The following SH3BP1 variants were observed in gnomAD, a reference collection of about 807,000 sequenced individuals.
SH3BP1 encodes SH3 domain binding protein 1.
Under a neutral mutation model 69.8 loss-of-function variants are expected in SH3BP1, and 46 were observed. The ratio of observed to expected loss-of-function variants is 0.66; its 90% confidence interval spans 0.52 to 0.84. The LOEUF (loss-of-function observed/expected upper bound fraction) is 0.84, where lower values mean the gene tolerates loss of function less well. SH3BP1 is among the 40% of genes least tolerant of loss of function. The probability of loss-of-function intolerance (pLI) is 0.00; values close to 1 mark genes in which losing one functional copy is unlikely to be tolerated. For missense variants in SH3BP1, 868 were observed against 930.9 expected (o/e 0.93, Z 0.88); for synonymous variants, 403 against 378.0 (o/e 1.07, Z -0.77).
intron 16 of SH3BP1, 38 bp downstream of exon 16, chr22:37,650,763 C>G: frequency 6.5e-7 from 1 of 1,532,462 alleles, no homozygotes; most frequent in Non-Finnish European, 8.8e-7. Context: ...CTGTGGTACT[C>G]CCACAATCAG....
chr22:37,653,415 G>A (rs769232669), intron 16 of SH3BP1, among the ~76,000 whole-genome samples: 6 of 152,062 alleles, frequency 3.9e-5, no homozygotes, highest in South Asian at 2.1e-4. Context: ...CAGCCTGGGC[G>A]ACAGAGTGAG....
rs547825429 is a variant in SH3BP1, at chr22:37,647,720, A to G, written c.1199+199A>G. Reference sequence around the variant, plus strand: ...AGACAGGGTCTCACTCTGTCGCCCAAGCTGGAGTGCAGTGGTGCAGTCTTG... The same window carrying G: ...AGACAGGGTCTCACTCTGTCGCCCAGGCTGGAGTGCAGTGGTGCAGTCTTG... On this transcript the variant is annotated intron_variant, in intron 13 of 17. Transcript: ENST00000649765. Among the ~76,000 whole-genome samples the G allele has an allele frequency of 2.6e-5, 4 of 151,946 alleles. No homozygotes were observed. In the East Asian group the frequency reaches 7.8e-4, roughly 30 times the overall value.
Position 37,641,109 on chromosome 22 carries a change from C to T in SH3BP1, c.60-17C>T, listed in dbSNP as rs550403939. On this transcript the variant is annotated splice_polypyrimidine_tract_variant and intron_variant, in intron 1 of 17. Coordinates refer to ENST00000649765, the MANE Select transcript of SH3BP1 (RefSeq NM_018957.6). Reference sequence around the variant, plus strand: ...CAGCAGAAGCACTCTCCCCCCCCCCCCCACCACTCCCCGCAGCACCCCGGA... The same window carrying T: ...CAGCAGAAGCACTCTCCCCCCCCCCTCCACCACTCCCCGCAGCACCCCGGA... 3.0e-4 allele frequency: 417 copies of T among 1,390,840 alleles called. 18 individuals carry two copies. The highest frequency in any genetic ancestry group is 1.6e-3 in the Middle Eastern group (8 of 5,032). 86.2% of individuals were successfully genotyped at this position (1,390,840 alleles called of 1,614,324 possible).
intron 14 of SH3BP1, 51 bp downstream of exon 14, chr22:37,648,486 C>T: frequency 8.0e-7 from 1 of 1,249,890 alleles, no homozygotes; most frequent in Non-Finnish European, 1.1e-6. Context: ...AGATCCCATC[C>T]CAACTATCTG....
At chr22:37,651,562 T>A (rs1932880171) in intron 16 of SH3BP1, among the ~76,000 whole-genome samples, 1 of 152,082 alleles carries the variant, frequency 6.6e-6, no homozygotes. Flanking sequence ...ACTCCTGGCC[T>A]CAAGCGATCC....
At chr22:37,648,179 C>T in intron 13 of SH3BP1, 140 bp from the exon 14 acceptor site, 1 of 650,918 alleles carries the variant, frequency 1.5e-6, no homozygotes, top group South Asian at 1.8e-5. Flanking sequence ...GGTTGGCACT[C>T]AGTGGATAAG....
chr22:37,643,204 T>C lies in SH3BP1; in HGVS notation c.473+30T>C, dbSNP rs190999703. 7.0e-4 allele frequency: 1,108 copies of C among 1,575,908 alleles called. 8 individuals carry two copies. In the African/African-American group the frequency reaches 0.011, roughly 16 times the overall value. On this transcript the variant is annotated intron_variant, in intron 6 of 17. Coordinates refer to ENST00000649765, the MANE Select transcript of SH3BP1 (RefSeq NM_018957.6). ...GAGCCCCAGCCGCTCAGGGGGCTCA[T>C]ATCTGGGTCAGCCCACAGAGATGGT...
Position 37,642,564 on chromosome 22 carries a change from C to T in SH3BP1, c.233C>T (p.Ser78Phe). 6.2e-7 allele frequency: 1 copy of T among 1,613,348 alleles called. No homozygotes were observed. Reference protein sequence around the residue: ...RVKKLPLMALSTTMAESFKEL... With the variant: ...RVKKLPLMALFTTMAESFKEL... ...AAGAAGCTTCCCCTCATGGCTCTGT[C>T]CACCACGATGGCTGAGAGCTTCAAG... Residue 78 changes from serine (S) to phenylalanine (F), a missense_variant, in exon 4 of 18, where the codon TCC becomes TTC. Physicochemically the swap from Ser to Phe is radical, Grantham distance 155. Coordinates refer to ENST00000649765, the MANE Select transcript of SH3BP1 (RefSeq NM_018957.6).
intron 1 of SH3BP1, 23 bp downstream of exon 1, chr22:37,639,869 C>A: frequency 6.5e-7 from 1 of 1,543,792 alleles, no homozygotes; most frequent in Non-Finnish European, 8.7e-7. Flanking sequence ...CGCTTCCAGC[C>A]CCACTCTTAC....
intron 3 of SH3BP1, chr22:37,641,906 A>T (rs1259212680): frequency 5.4e-6 from 1 of 185,462 alleles, no homozygotes; most frequent in African/African-American, 2.4e-5. Flanking sequence ...CTCATGGAAC[A>T]CTGGCACAAC....
At chr22:37,645,711 C>T (rs1039706085) in intron 10 of SH3BP1, among the ~76,000 whole-genome samples, 1 of 152,150 alleles carries the variant, frequency 6.6e-6, no homozygotes, top group South Asian at 2.1e-4. Flanking sequence ...GTACTAGAAG[C>T]CTTTGCATTC....
At chr22:37,650,848 A>G in intron 16 of SH3BP1, 123 bp downstream of exon 16, 1 of 1,291,596 alleles carries the variant, frequency 7.7e-7, no homozygotes, top group Non-Finnish European at 1.1e-6. Context: ...TTCATCCCAA[A>G]GACCGGATCT....
At position 37,650,703 on chromosome 22, in the gene SH3BP1, G is replaced by C. The variant is rs1932863425; in HGVS notation, c.1576G>C (p.Ala526Pro). Residue 526 changes from alanine (A) to proline (P), a missense_variant, in exon 16 of 18, where the codon GCT (alanine) becomes CCT (proline). Physicochemically the swap from Ala to Pro is conservative, Grantham distance 27. This residue lies in a region of SH3BP1 where 474 missense variants were observed against 462.3 expected (regional missense o/e 1.03). Transcript: ENST00000649765. ...APAPAPAPAL[A>P]SAATKERTES... ...AGCTCCAGCTCCGGCCCCAGCCTTG[G>C]CTTCAGCAGCTACCAAGGAAAGGTG... The C allele has an allele frequency of 3.1e-6, 5 of 1,611,872 alleles. No homozygotes were observed. The Admixed American group carries it at 8.4e-5, about 27-fold the overall frequency.
At chr22:37,645,672 C>G (rs1369011498) in intron 10 of SH3BP1, among the ~76,000 whole-genome samples, 162 bp downstream of exon 10, 1 of 152,198 alleles carries the variant, frequency 6.6e-6, no homozygotes, top group South Asian at 2.1e-4. Context: ...CTACCTCCCC[C>G]GTGTCAATGC....
At position 37,647,482 on chromosome 22, in the gene SH3BP1, T is replaced by C. The variant is rs1002955661; in HGVS notation, c.1160T>C (p.Val387Ala). The change falls in exon 13 of 18, where the codon GTG (valine) becomes GCG (alanine). Residue 387 changes from valine (V) to alanine (A), a missense_variant. Physicochemically the swap from Val to Ala is moderately conservative, Grantham distance 64 (BLOSUM62 0). Transcript: ENST00000649765. ...GCCCGGCTGCAGGCCCTCCAAGAGG[T>C]GTGCAGCCGCCTACCCCCCGAGAAC... ...PGARLQALQE[V>A]CSRLPPENLS... The C allele has an allele frequency of 6.2e-6, 10 of 1,604,578 alleles. No homozygotes were observed. The highest frequency in any genetic ancestry group is 7.6e-6 in the Non-Finnish European group (9 of 1,178,358).
intron 9 of SH3BP1, 191 bp downstream of exon 9, chr22:37,645,151 C>A: frequency 1.2e-6 from 1 of 829,370 alleles, no homozygotes; most frequent in Non-Finnish European, 1.9e-6. Flanking sequence ...GGACTAGAGC[C>A]AGGCCTGTGA....
At chr22:37,645,326 G>A (rs775906484) in intron 9 of SH3BP1, 39 bp from the exon 10 acceptor site, 1 of 1,578,106 alleles carries the variant, frequency 6.3e-7, no homozygotes. Flanking sequence ...TGCTCGGGGT[G>A]GGAAGGCCCT....
intron 15 of SH3BP1, 113 bp from the exon 16 acceptor site, chr22:37,650,429 G>A (rs1227645685): frequency 6.6e-7 from 1 of 1,504,060 alleles, no homozygotes; most frequent in Non-Finnish European, 8.9e-7. Flanking sequence ...CACGGGAGTG[G>A]GGAAGCTGAA....
At chr22:37,653,655 C>A in intron 16 of SH3BP1, 124 bp from the exon 17 acceptor site, 1 of 733,808 alleles carries the variant, frequency 1.4e-6, no homozygotes. Context: ...GGCATGGGGA[C>A]AGAGTGATAG....
Sources: allele counts gnomAD v4.1 joint callset (sites outside exome capture counted in the v4.1 genomes callset), GRCh38; gene constraint gnomAD v4.1.1; regional missense constraint gnomAD v4.1.1; transcripts MANE v1.5; gene names NCBI Gene and HGNC (gene_info 2026-07-23, HGNC 2026-07-21).